Variants in PYGB observed in about 807,000 individuals in gnomAD.
The protein encoded by PYGB is glycogen phosphorylase B, also known as glycogen phosphorylase, brain form.
In PYGB, 82 loss-of-function variants were observed where a neutral mutation model predicts 94.3. The ratio of observed to expected loss-of-function variants is 0.87; its 90% confidence interval spans 0.73 to 1.04. PYGB has a LOEUF of 1.04. PYGB is among the 50% of genes least tolerant of loss of function. The probability of loss-of-function intolerance (pLI) is 0.00; values close to 1 mark genes in which losing one functional copy is unlikely to be tolerated. For synonymous variants in PYGB, 488 were observed against 479.1 expected (o/e 1.02, Z -0.24); for missense variants, 1,132 against 1,158.2 (o/e 0.98, Z 0.33).
chr20:25,249,116 CAA>C (rs2092880184), intron 1 of PYGB, among the ~76,000 whole-genome samples: 2 of 152,328 alleles, frequency 1.3e-5, no homozygotes, highest in South Asian at 4.1e-4. Context: ...AGTAGTGAAA[CAA>C]AGTCACTGAT....
chr20:25,280,637 CCCTCAGACCCATCTT>C (rs1198175340), intron 10 of PYGB, among the ~76,000 whole-genome samples: 1 of 152,248 alleles, frequency 6.6e-6, no homozygotes, highest in East Asian at 1.9e-4. Flanking sequence ...CACGTCCTCT[CCCTCAGACCCATCTT>C]CCTCAGACAG....
In PYGB at chr20:25,288,317, G is replaced by A. The variant is rs116030223; in HGVS notation, c.1769-108G>A. The A allele has an allele frequency of 3.2e-3, 3,923 of 1,230,208 alleles. 66 individuals are homozygous for A. In the African/African-American group the frequency reaches 0.039, roughly 12 times the overall value. The allele number at this position is 1,230,208 out of a possible 1,614,324, so 76.2% of individuals were successfully genotyped here. A position where few individuals can be genotyped will look rare whatever the true frequency, so the allele number is the denominator to read the frequency against. ...GTCTCTGGGGCTTGAAGTACATGGCGGAGCGTGCCTGTCCTGCCTCAGGGT... is the reference window on the plus strand; with the variant it reads ...GTCTCTGGGGCTTGAAGTACATGGCAGAGCGTGCCTGTCCTGCCTCAGGGT... On this transcript the variant is annotated intron_variant, in intron 14 of 19. Transcript: ENST00000216962.
intron 5 of PYGB, among the ~76,000 whole-genome samples, chr20:25,276,416 T>G (rs951831910): frequency 6.6e-6 from 1 of 150,704 alleles, no homozygotes; most frequent in African/African-American, 2.5e-5. Flanking sequence ...CTGGGGAGGG[T>G]GGTGGGACGG....
Position 25,269,126 on chromosome 20 carries a change from C to G in PYGB, c.346-3C>G. The stretch of plus-strand genomic sequence containing the variant: ...AAAATGCTGCCTGTGTTTTTGTTTG[C>G]AGTTGGGGTTAGACTTGGAGGAACT... On this transcript the variant is annotated splice_region_variant and splice_polypyrimidine_tract_variant and intron_variant, in intron 2 of 19. Transcript: ENST00000216962. 1 of 1,567,268 alleles carries G rather than the reference C, an allele frequency of 6.4e-7. No individual in the cohort carries two copies. Among genetic ancestry groups the G allele is most frequent in the Non-Finnish European group, 8.8e-7 (1 of 1,137,632 alleles).
chr20:25,249,798 A>C (rs1251022852), intron 1 of PYGB, among the ~76,000 whole-genome samples: 3 of 152,040 alleles, frequency 2.0e-5, no homozygotes, highest in African/African-American at 7.2e-5. Flanking sequence ...GCCAAGAAGC[A>C]GTGGCTCCCC....
At chr20:25,275,016 G>A (rs982879783) in intron 5 of PYGB, among the ~76,000 whole-genome samples, 2 of 152,370 alleles carry the variant, frequency 1.3e-5, no homozygotes, top group Middle Eastern at 6.8e-3. Context: ...TCCACTCACA[G>A]CCAGATGCTC....
intron 7 of PYGB, among the ~76,000 whole-genome samples, 195 bp downstream of exon 7, chr20:25,277,521 C>A (rs1388879911): frequency 1.3e-5 from 2 of 152,172 alleles, no homozygotes; most frequent in East Asian, 3.9e-4. Context: ...AAAGCCCAAG[C>A]GGCTCTTCGT....
rs138863323 is a variant in PYGB at position 25,281,006 on chromosome 20, G to A, written c.1297G>A (p.Glu433Lys). Residue 433 changes from glutamate (E) to lysine (K), a missense_variant, in exon 11 of 20, where the codon GAG becomes AAG. Transcript: ENST00000216962. ...CCGCCTGCGCAGGATGTCTGTGATC[G>A]AGGAGGGGGACTGCAAGCGGATCAA... ...VDRLRRMSVI[E>K]EGDCKRINMA... The A allele has an allele frequency of 5.6e-6, 9 of 1,614,070 alleles. No individual in the cohort carries two copies. The highest frequency in any genetic ancestry group is 2.7e-5 in the African/African-American group (2 of 74,920).
intron 2 of PYGB, among the ~76,000 whole-genome samples, chr20:25,263,027 A>T (rs1247840134): frequency 1.3e-5 from 2 of 152,206 alleles, no homozygotes; most frequent in Admixed American, 6.5e-5. Context: ...GGAGACTTTA[A>T]CACCCCACTG....
Position 25,248,255 on chromosome 20 carries a change from C to G in PYGB, c.77C>G (p.Ala26Gly). The G allele has an allele frequency of 6.3e-7, 1 of 1,599,220 alleles. No homozygotes were observed. The highest frequency in any genetic ancestry group is 1.1e-5 in the South Asian group (1 of 89,064). ...GGCCTGGCGGGGCTAGGCGACGTGGCCGAGGTGCGGAAGAGCTTCAACCGG... is the reference window on the plus strand; with the variant it reads ...GGCCTGGCGGGGCTAGGCGACGTGGGCGAGGTGCGGAAGAGCTTCAACCGG... ...VRGLAGLGDV[A>G]EVRKSFNRHL... The change falls in exon 1 of 20, where the codon GCC (alanine) becomes GGC (glycine). Residue 26 changes from alanine (A) to glycine (G), a missense_variant. Ala to Gly is a moderately conservative substitution (Grantham distance 60). Coordinates refer to ENST00000216962, the MANE Select transcript of PYGB (RefSeq NM_002862.4).
intron 17 of PYGB, among the ~76,000 whole-genome samples, chr20:25,293,573 C>T (rs773443861): frequency 2.2e-4 from 33 of 152,242 alleles, no homozygotes; most frequent in Non-Finnish European, 4.0e-4. Flanking sequence ...CATCTGAAGT[C>T]AGAGCTGTGC....
At chr20:25,290,418 G>T in intron 15 of PYGB, 63 bp from the exon 16 acceptor site, 1 of 1,571,876 alleles carries the variant, frequency 6.4e-7, no homozygotes, top group South Asian at 1.1e-5. Flanking sequence ...CAGGAACCAG[G>T]AGCGCCTCCA....
intron 2 of PYGB, among the ~76,000 whole-genome samples, chr20:25,262,195 A>T (rs2092915100): frequency 6.6e-6 from 1 of 152,238 alleles, no homozygotes; most frequent in African/African-American, 2.4e-5. Flanking sequence ...ACCAAAGTTG[A>T]AATGAAGGAG....
intron 13 of PYGB, 24 bp downstream of exon 13, chr20:25,283,301 C>CCCGA (rs1164801972): frequency 1.9e-5 from 31 of 1,593,782 alleles, no homozygotes; most frequent in Non-Finnish European, 2.7e-5. Context: ...TGGCCCCAGC[C>CCCGA]CCGACCCCAG....
chr20:25,255,799 T>C (rs1444315051), intron 1 of PYGB, among the ~76,000 whole-genome samples: 8 of 151,670 alleles, frequency 5.3e-5, no homozygotes, highest in Admixed American at 5.3e-4. Context: ...AGTGGCGCGA[T>C]CTCTACTCAC....
At position 25,294,044 on chromosome 20, in the gene PYGB, T is replaced by G. The variant is rs116990548; in HGVS notation, c.2178-114T>G. On this transcript the variant is annotated intron_variant, in intron 17 of 19. Transcript: ENST00000216962. ...CTGCTGCCCTGGACCGTGCAGGCCTTGAGCTCCCAGGGCCATCCTGGGGCA... is the reference window on the plus strand; with the variant it reads ...CTGCTGCCCTGGACCGTGCAGGCCTGGAGCTCCCAGGGCCATCCTGGGGCA... 583 of 1,447,750 alleles carry G rather than the reference T, an allele frequency of 4.0e-4. 10 individuals are homozygous for G. In the East Asian group the frequency reaches 0.012, roughly 31 times the overall value. The allele number at this position is 1,447,750 out of a possible 1,614,324, so 89.7% of individuals were successfully genotyped here.
At position 25,293,153 on chromosome 20, in the gene PYGB, TG is replaced by T. The variant is rs2088487755; in HGVS notation, c.2177+547del. Reference sequence around the variant, plus strand: ...GGGGGGGGTGGGGGAGTGGGGGGGATGGGGGGGTTGGGGGGTGGCAGAGGGG... The same window carrying T: ...GGGGGGGGTGGGGGAGTGGGGGGGATGGGGGGTTGGGGGGTGGCAGAGGGG... On this transcript the variant is annotated intron_variant, in intron 17 of 19. Coordinates refer to ENST00000216962, the MANE Select transcript of PYGB (RefSeq NM_002862.4). Among the ~76,000 whole-genome samples, 9 of 12,922 alleles carry T rather than the reference TG, an allele frequency of 7.0e-4. No individual in the cohort carries two copies. In the South Asian group the frequency reaches 9.2e-3, roughly 13 times the overall value. 8.5% of individuals were successfully genotyped at this position (12,922 alleles called of 152,430 possible).
chr20:25,264,576 G>A lies in PYGB; in HGVS notation c.346-4553G>A, dbSNP rs374781395. Among the ~76,000 whole-genome samples the A allele has an allele frequency of 3.5e-3, 530 of 152,266 alleles. No homozygotes were observed. The South Asian group carries it at 0.038, about 11-fold the overall frequency. Reference sequence around the variant, plus strand: ...TAAGCTGATAAGCAACTTCAGCAAAGTCTCAGGATACAAAATCAATGTGCA... The same window carrying A: ...TAAGCTGATAAGCAACTTCAGCAAAATCTCAGGATACAAAATCAATGTGCA... On this transcript the variant is annotated intron_variant, in intron 2 of 19. Transcript: ENST00000216962.
chr20:25,268,218 C>T (rs1555331), intron 2 of PYGB, among the ~76,000 whole-genome samples: 2 of 142,346 alleles, frequency 1.4e-5, no homozygotes, highest in South Asian at 2.3e-4. Context: ...AATTGCTTTA[C>T]GAATTAAGTT....
Sources: allele counts gnomAD v4.1 joint callset (sites outside exome capture counted in the v4.1 genomes callset), GRCh38; gene constraint gnomAD v4.1.1; transcripts MANE v1.5; gene names NCBI Gene and HGNC (gene_info 2026-07-23, HGNC 2026-07-21).